Variants in PCDHGA11 observed in about 807,000 individuals in gnomAD.
PCDHGA11 encodes the protein protocadherin gamma-A11.
Under a neutral mutation model 60.4 loss-of-function variants are expected in PCDHGA11, and 39 were observed. The observed-to-expected ratio is 0.65, with a 90% CI of 0.50 to 0.84. PCDHGA11 has a LOEUF of 0.84. PCDHGA11 is among the 40% of genes least tolerant of loss of function. The pLI is 0.00. For missense variants in PCDHGA11, 1,165 were observed against 1,197.7 expected, an observed-to-expected ratio of 0.97 and a Z score of 0.40; for synonymous variants, 533 against 510.3, an observed-to-expected ratio of 1.04 and a Z score of -0.60.
At chr5:141,474,148 A>G (rs773360112) in intron 1 of PCDHGA11, among the ~76,000 whole-genome samples, 4 of 152,244 alleles carry the variant, frequency 2.6e-5, no homozygotes, top group Non-Finnish European at 5.9e-5. Context: ...CTTATTATCA[A>G]GAAAATGACA....
rs144317211 is a variant in PCDHGA11 at position 141,432,088 on chromosome 5, A to G, written c.2433+8428A>G. On this transcript the variant is annotated intron_variant, in intron 1 of 3. Transcript: ENST00000398587. This position sits in a 1 kb window ranked among gnomAD's most constrained non-coding sequence, Gnocchi z 6.0. Reference sequence around the variant, plus strand: ...AAACTCATATCTCGCTGAACGTGGCAGACACCAACGACAACCCGCCGGTCT... The same window carrying G: ...AAACTCATATCTCGCTGAACGTGGCGGACACCAACGACAACCCGCCGGTCT... The G allele has an allele frequency of 6.2e-7, 1 of 1,614,148 alleles. No individual in the cohort carries two copies. Among genetic ancestry groups the G allele is most frequent in the South Asian group, 1.1e-5 (1 of 91,074 alleles).
chr5:141,423,804 T>C (rs571396807), intron 1 of PCDHGA11, 144 bp downstream of exon 1: 50 of 1,240,508 alleles, frequency 4.0e-5, no homozygotes, highest in African/African-American at 2.7e-4. Flanking sequence ...GAGCAATACA[T>C]GTGAGTTTTA....
At chr5:141,466,508 T>C (rs2099123841) in intron 1 of PCDHGA11, among the ~76,000 whole-genome samples, 1 of 152,190 alleles carries the variant, frequency 6.6e-6, no homozygotes, top group African/African-American at 2.4e-5. Context: ...ACAGACAAGA[T>C]CATTTTTTTT....
rs755130135 is a variant in PCDHGA11 at position 141,431,477 on chromosome 5, C to A, written c.2433+7817C>A. On this transcript the variant is annotated intron_variant, in intron 1 of 3. Coordinates refer to ENST00000398587, the MANE Select transcript of PCDHGA11 (RefSeq NM_018914.3). The surrounding 1 kb of genome is among the most constrained non-coding windows in gnomAD (Gnocchi z 4.8). ...GGTTCTGGATGCGAACGACAACGCA[C>A]CAGCGTTTGCTCAGCCCGAGTACCG... is the stretch of plus-strand genomic sequence containing the variant. 40 of 1,613,768 alleles carry A rather than the reference C, an allele frequency of 2.5e-5. No individual in the cohort carries two copies. The highest frequency in any genetic ancestry group is 3.3e-5 in the Admixed American group (2 of 60,008).
In PCDHGA11 at chr5:141,487,365, G is replaced by A. The variant is rs1466536791; in HGVS notation, c.2434-7442G>A. On this transcript the variant is annotated intron_variant, in intron 1 of 3. Coordinates refer to ENST00000398587, the MANE Select transcript of PCDHGA11 (RefSeq NM_018914.3). This position sits in a 1 kb window ranked among gnomAD's most constrained non-coding sequence, Gnocchi z 5.0. ...GTCACATGCTTTCCTGCTGGCACCT[G>A]TGCCTGTCTCACCAGATCTCGAAGG... The A allele has an allele frequency of 1.2e-6, 2 of 1,614,068 alleles. No homozygotes were observed. Among genetic ancestry groups the A allele is most frequent in the South Asian group, 1.1e-5 (1 of 91,088 alleles).
intron 2 of PCDHGA11, among the ~76,000 whole-genome samples, chr5:141,504,722 C>T (rs747319660): frequency 1.3e-5 from 2 of 151,828 alleles, no homozygotes; most frequent in Non-Finnish European, 2.9e-5. Context: ...GGATTTTACT[C>T]TGAGGGCTTA....
chr5:141,439,531 G>T (rs1474855779), intron 1 of PCDHGA11, among the ~76,000 whole-genome samples: 1 of 152,126 alleles, frequency 6.6e-6, no homozygotes, highest in Non-Finnish European at 1.5e-5. Context: ...TCTACAGAAC[G>T]CTGTCCTCTC....
At chr5:141,492,505 C>A (rs1009723421) in intron 1 of PCDHGA11, among the ~76,000 whole-genome samples, 1 of 152,212 alleles carries the variant, frequency 6.6e-6, no homozygotes, top group Admixed American at 6.5e-5. Context: ...GACTCCGGAG[C>A]CTCCTCTCAC....
chr5:141,439,211 A>G (rs1438403213), intron 1 of PCDHGA11, among the ~76,000 whole-genome samples: 1 of 151,666 alleles, frequency 6.6e-6, no homozygotes, highest in Non-Finnish European at 1.5e-5. Flanking sequence ...AAAAATCCAT[A>G]TGTGAAAATT....
intron 1 of PCDHGA11, chr5:141,429,047 GGTTTCACC>G (rs1254088441): frequency 1.3e-5 from 2 of 152,034 alleles, no homozygotes; most frequent in Non-Finnish European, 2.9e-5. Flanking sequence ...GTACAGACGG[GGTTTCACC>G]GTGTTAGCCA....
chr5:141,477,951 G>T lies in PCDHGA11; in HGVS notation c.2434-16856G>T. 3 of 1,614,120 alleles carry T rather than the reference G, an allele frequency of 1.9e-6. No homozygotes were observed. The highest frequency in any genetic ancestry group is 2.5e-6 in the Non-Finnish European group (3 of 1,180,024). Reference sequence around the variant, plus strand: ...GCCTGGCTCTCCTACAGTCTCTTGGGATCCCCTAACCAGAGCCTTTTTGCC... The same window carrying T: ...GCCTGGCTCTCCTACAGTCTCTTGGTATCCCCTAACCAGAGCCTTTTTGCC... On this transcript the variant is annotated intron_variant, in intron 1 of 3. Transcript: ENST00000398587. The surrounding 1 kb of genome is among the most constrained non-coding windows in gnomAD (Gnocchi z 4.9).
chr5:141,461,647 C>T (rs1242234255), intron 1 of PCDHGA11, among the ~76,000 whole-genome samples: 3 of 152,006 alleles, frequency 2.0e-5, no homozygotes, highest in Non-Finnish European at 4.4e-5. Context: ...TTCTTTGACC[C>T]ATGGATTATT....
At chr5:141,423,773 T>A in intron 1 of PCDHGA11, 113 bp downstream of exon 1, 6 of 901,238 alleles carry the variant, frequency 6.7e-6, no homozygotes, top group Non-Finnish European at 7.3e-6. Flanking sequence ...GGGCGGCATA[T>A]ATTTAGTTCA....
At chr5:141,497,245 G>T (rs779763574) in intron 2 of PCDHGA11, among the ~76,000 whole-genome samples, 2 of 152,138 alleles carry the variant, frequency 1.3e-5, no homozygotes, top group Non-Finnish European at 2.9e-5. Flanking sequence ...TCTAGGAGGA[G>T]GTGACATTGA....
chr5:141,425,949 C>T (rs2096905190), intron 1 of PCDHGA11, among the ~76,000 whole-genome samples: 1 of 152,224 alleles, frequency 6.6e-6, no homozygotes. Flanking sequence ...GTTTCCTATA[C>T]ATTAGTCCAA....
rs2154591356 is a variant in PCDHGA11, at chr5:141,493,972, C to G, written c.2434-835C>G. Among the ~76,000 whole-genome samples, 6 of 152,276 alleles carry G rather than the reference C, an allele frequency of 3.9e-5. No homozygotes were observed. In the Middle Eastern group the frequency reaches 0.014, roughly 345 times the overall value. On this transcript the variant is annotated intron_variant, in intron 1 of 3. Coordinates refer to ENST00000398587, the MANE Select transcript of PCDHGA11 (RefSeq NM_018914.3). This position sits in a 1 kb window ranked among gnomAD's most constrained non-coding sequence, Gnocchi z 4.3. ...CAGGAATGAAGTGGCTGGCCAGAGC[C>G]CCACACCTTCAGCTAGGTGGGAGAT...
At chr5:141,469,886 T>A (rs766990419) in intron 1 of PCDHGA11, among the ~76,000 whole-genome samples, 4 of 152,208 alleles carry the variant, frequency 2.6e-5, no homozygotes, top group Non-Finnish European at 4.4e-5. Context: ...ATCTCGGCAC[T>A]TTGGGAAGCC....
chr5:141,427,855 G>T (rs2097079766), intron 1 of PCDHGA11: 1 of 1,553,826 alleles, frequency 6.4e-7, no homozygotes, highest in Non-Finnish European at 8.8e-7. Flanking sequence ...GAGCAGCTGT[G>T]CGCCTTCGAG....
intron 3 of PCDHGA11, among the ~76,000 whole-genome samples, chr5:141,510,538 G>A (rs1423013528): frequency 1.3e-5 from 2 of 152,216 alleles, no homozygotes; most frequent in East Asian, 1.9e-4. Context: ...AAATACCAGC[G>A]AATGTGTTTT....
Sources: gnomAD v4.1 joint callset for allele counts (sites outside exome capture counted in the v4.1 genomes callset) on GRCh38, gnomAD v4.1.1 for gene constraint, Gnocchi (gnomAD v3.1) non-coding constraint, MANE v1.5 for transcripts, NCBI Gene and HGNC (gene_info 2026-07-23, HGNC 2026-07-21) for gene names.